Variants in OSBPL9 observed in about 807,000 individuals in gnomAD.
OSBPL9 encodes oxysterol binding protein like 9, also known as oxysterol-binding protein-related protein 9.
Under a neutral mutation model 106.6 loss-of-function variants are expected in OSBPL9, and 40 were observed. The observed-to-expected ratio is 0.38, with a 90% CI of 0.29 to 0.49. The LOEUF (loss-of-function observed/expected upper bound fraction) is 0.49, where lower values mean the gene tolerates loss of function less well. Among genes scored for constraint, OSBPL9 ranks in the 20% least tolerant of loss-of-function variants. OSBPL9 has a pLI of 0.97. For missense variants in OSBPL9, 609 were observed against 887.2 expected, an observed-to-expected ratio of 0.69 and a Z score of 3.98; for synonymous variants, 269 against 295.4, an observed-to-expected ratio of 0.91 and a Z score of 0.92.
the OSBPL9 span, among the ~76,000 whole-genome samples, chr1:51,538,463 AT>A: frequency 0.063 from 9,556 of 151,874 alleles, 955 homozygotes; most frequent in African/African-American, 0.21. Context: ...ATTTAGATTC[AT>A]TTTTTTTCCT....
chr1:51,773,941 CGTTGTTGTT>C (rs3835387), intron 14 of OSBPL9, among the ~76,000 whole-genome samples: 3,278 of 149,056 alleles, frequency 0.022, 54 homozygotes, highest in African/African-American at 0.048. Context: ...CAGCTGCTGG[CGTTGTTGTT>C]GTTGTTGTTG....
At chr1:51,602,925 G>T (rs1645331378) in intron 2 of OSBPL9, among the ~76,000 whole-genome samples, 1 of 152,196 alleles carries the variant, frequency 6.6e-6, no homozygotes, top group Admixed American at 6.5e-5. Context: ...GGAGGCCAAG[G>T]CAGGAGGATC....
chr1:51,545,444 A>G, the OSBPL9 span, among the ~76,000 whole-genome samples: 3 of 152,154 alleles, frequency 2.0e-5, no homozygotes, highest in African/African-American at 4.8e-5. Flanking sequence ...GTGGTGGCAT[A>G]CACCTGTAGT....
At chr1:51,721,041 C>T (rs1662026167) in intron 4 of OSBPL9, among the ~76,000 whole-genome samples, 1 of 152,026 alleles carries the variant, frequency 6.6e-6, no homozygotes. Flanking sequence ...TCAAGTGATC[C>T]ACCTGCCTCA....
intron 1 of OSBPL9, among the ~76,000 whole-genome samples, chr1:51,592,687 A>G (rs945262767): frequency 3.9e-5 from 6 of 152,192 alleles, no homozygotes; most frequent in Non-Finnish European, 7.3e-5. Context: ...TCCTGGACAT[A>G]GTGCTGGATT....
chr1:51,668,686 C>T (rs1351525262), intron 2 of OSBPL9, among the ~76,000 whole-genome samples: 2 of 152,078 alleles, frequency 1.3e-5, no homozygotes, highest in Non-Finnish European at 2.9e-5. Context: ...CTACCCAGTC[C>T]GCCTTCCCAA....
At chr1:51,553,748 G>A in the OSBPL9 span, among the ~76,000 whole-genome samples, 3 of 151,774 alleles carry the variant, frequency 2.0e-5, no homozygotes, top group Non-Finnish European at 2.9e-5. Context: ...GGCGCATCTC[G>A]GCTCACTGCA....
At chr1:51,701,465 A>T (rs2148854323) in intron 3 of OSBPL9, among the ~76,000 whole-genome samples, 1 of 152,028 alleles carries the variant, frequency 6.6e-6, no homozygotes, top group East Asian at 1.9e-4. Context: ...TGTATTTCTA[A>T]TTTTTTTCTG....
intron 13 of OSBPL9, 67 bp downstream of exon 13, chr1:51,772,249 A>C: frequency 2.3e-5 from 31 of 1,327,662 alleles, no homozygotes; most frequent in Non-Finnish European, 3.2e-5. Flanking sequence ...GTGGTGGCTC[A>C]TGCCGTAATC....
At chr1:51,728,042 A>G (rs983942424) in intron 4 of OSBPL9, among the ~76,000 whole-genome samples, 23 of 152,354 alleles carry the variant, frequency 1.5e-4, no homozygotes, top group African/African-American at 5.5e-4. Flanking sequence ...AGCATGCGCC[A>G]AGGCCCTAAA....
intron 1 of OSBPL9, among the ~76,000 whole-genome samples, chr1:51,641,406 T>C (rs536120054): frequency 6.6e-6 from 1 of 152,210 alleles, no homozygotes; most frequent in African/African-American, 2.4e-5. Flanking sequence ...TTTGTGGGGA[T>C]GTAAACATTC....
In OSBPL9 at chr1:51,783,918, C is replaced by T; in HGVS notation, c.1517C>T (p.Ser506Leu). 1 of 1,609,570 alleles carries T rather than the reference C, an allele frequency of 6.2e-7. No individual in the cohort carries two copies. Among genetic ancestry groups the T allele is most frequent in the Non-Finnish European group, 8.5e-7 (1 of 1,175,896 alleles). The change falls in exon 18 of 24, where the codon TCA becomes TTA. Residue 506 changes from serine (S) to leucine (L), a missense_variant. Ser to Leu is a moderately radical substitution (Grantham distance 145). Around this residue, in one of 5 missense-constraint regions of OSBPL9, gnomAD observed 356 missense variants for 505.8 expected, o/e 0.70. Coordinates refer to ENST00000428468, the MANE Select transcript of OSBPL9 (RefSeq NM_024586.6). ...AEQVSHHPPI[S>L]AFYAECFNKK... ...CTAATTGAAAATTTCTATTCAGTTT[C>T]AGCCTTTTATGCTGAGTGTTTTAAC...
At chr1:51,547,253 T>A in the OSBPL9 span, among the ~76,000 whole-genome samples, 1 of 152,174 alleles carries the variant, frequency 6.6e-6, no homozygotes, top group African/African-American at 2.4e-5. Context: ...CTGGTTATCA[T>A]ATGGAGAGGA....
At chr1:51,652,844 A>G (rs1314477693) in intron 2 of OSBPL9, among the ~76,000 whole-genome samples, 2 of 152,250 alleles carry the variant, frequency 1.3e-5, no homozygotes, top group Non-Finnish European at 2.9e-5. Flanking sequence ...TGCAGTTTCT[A>G]GTATCCCATT....
rs1657496467 is a variant in OSBPL9, at chr1:51,702,449, T to A, written c.242-11554T>A. Reference sequence around the variant, plus strand: ...CTGTTGGCTGCATAAATGTCTTCTTTTGAGAAGTGTCTGTTCATATCCTTT... The same window carrying A: ...CTGTTGGCTGCATAAATGTCTTCTTATGAGAAGTGTCTGTTCATATCCTTT... On this transcript the variant is annotated intron_variant, in intron 3 of 23. Coordinates refer to ENST00000428468, the MANE Select transcript of OSBPL9 (RefSeq NM_024586.6). Among the ~76,000 whole-genome samples the A allele has an allele frequency of 2.0e-5, 3 of 151,884 alleles. 1 individual carries two copies. In the South Asian group the frequency reaches 6.2e-4, roughly 31 times the overall value.
intron 4 of OSBPL9, among the ~76,000 whole-genome samples, chr1:51,733,673 G>T (rs1372464182): frequency 2.0e-5 from 3 of 152,086 alleles, no homozygotes; most frequent in Admixed American, 6.6e-5. Flanking sequence ...CACTTGGGGG[G>T]CTGAGGCAGG....
At chr1:51,766,016 T>C in intron 12 of OSBPL9, 35 bp downstream of exon 12, 1 of 1,526,862 alleles carries the variant, frequency 6.5e-7, no homozygotes. Context: ...TTTAAATGAT[T>C]CTCCTGATTT....
chr1:51,723,207 G>T (rs1172077584), intron 4 of OSBPL9, among the ~76,000 whole-genome samples: 1 of 152,138 alleles, frequency 6.6e-6, no homozygotes, highest in African/African-American at 2.4e-5. Flanking sequence ...TGTTGTGTAT[G>T]GGTTTGGTCG....
At chr1:51,680,096 A>T (rs764087986) in intron 3 of OSBPL9, among the ~76,000 whole-genome samples, 21 of 151,976 alleles carry the variant, frequency 1.4e-4, no homozygotes, top group Admixed American at 2.0e-4. Flanking sequence ...TCCACTAAAA[A>T]TACAAAAATT....
Sources: gnomAD v4.1 joint callset for allele counts (sites outside exome capture counted in the v4.1 genomes callset) on GRCh38, gnomAD v4.1.1 for gene constraint, gnomAD v4.1.1 regional missense constraint, MANE v1.5 for transcripts, NCBI Gene and HGNC (gene_info 2026-07-23, HGNC 2026-07-21) for gene names.